Variants in FGD4 observed in about 807,000 individuals in gnomAD.
FGD4 encodes the protein FYVE, RhoGEF and PH domain-containing protein 4.
FGD4 carries 42 observed loss-of-function variants against 102.0 expected under a neutral mutation model. The observed-to-expected ratio is 0.41, with a 90% CI of 0.32 to 0.53. The LOEUF is 0.53. Ranked by LOEUF, FGD4 falls within the 20% of genes least tolerant of loss-of-function variation. The pLI is 0.21. For synonymous variants in FGD4, 380 were observed against 375.7 expected (o/e 1.01, Z -0.13); for missense variants, 902 against 1,078.2 (o/e 0.84, Z 2.29).
intron 1 of FGD4, among the ~76,000 whole-genome samples, chr12:32,473,489 C>T (rs990829545): frequency 1.3e-5 from 2 of 151,882 alleles, no homozygotes; most frequent in African/African-American, 2.4e-5. Flanking sequence ...CACTCCTGAG[C>T]CAGCGAGACC....
intron 1 of FGD4, among the ~76,000 whole-genome samples, chr12:32,495,239 C>T (rs1937723792): frequency 6.6e-6 from 1 of 152,134 alleles, no homozygotes; most frequent in South Asian, 2.1e-4. Flanking sequence ...TTAGAAATCA[C>T]CCTGCTAACA....
intron 1 of FGD4, among the ~76,000 whole-genome samples, chr12:32,451,834 CAAAAAAA>C (rs60760923): frequency 2.4e-3 from 59 of 24,142 alleles, no homozygotes; most frequent in Admixed American, 7.6e-3. Context: ...AACTCCATCT[CAAAAAAA>C]AAAAAAAAAA....
chr12:32,502,115 G>A, intron 1 of FGD4: 1 of 985,398 alleles, frequency 1.0e-6, no homozygotes, highest in South Asian at 4.7e-5. Flanking sequence ...TAGGAGGGCT[G>A]GTTACCATGG....
chr12:32,503,779 G>A (rs1400140919), intron 1 of FGD4, among the ~76,000 whole-genome samples: 10 of 152,076 alleles, frequency 6.6e-5, no homozygotes, highest in Non-Finnish European at 1.3e-4. Flanking sequence ...ACCCATAAAT[G>A]TCAGTCTTTC....
At chr12:32,403,655 G>A (rs188726492) in intron 1 of FGD4, among the ~76,000 whole-genome samples, 81 of 145,714 alleles carry the variant, frequency 5.6e-4, no homozygotes, top group African/African-American at 2.0e-3. Context: ...GGAGTGCAGT[G>A]GTGCAATCTT....
chr12:32,440,201 G>A (rs1050752159), intron 1 of FGD4, among the ~76,000 whole-genome samples: 2 of 152,174 alleles, frequency 1.3e-5, no homozygotes, highest in African/African-American at 4.8e-5. Flanking sequence ...TGCCGCTGAT[G>A]CTCGTAGATG....
chr12:32,551,804 T>A (rs1215923986), intron 1 of FGD4, among the ~76,000 whole-genome samples: 1 of 152,216 alleles, frequency 6.6e-6, no homozygotes, highest in Non-Finnish European at 1.5e-5. Flanking sequence ...GAGTTCTTCA[T>A]GATGTATTCA....
chr12:32,562,019 A>G (rs570357150), intron 1 of FGD4, among the ~76,000 whole-genome samples: 1 of 152,196 alleles, frequency 6.6e-6, no homozygotes, highest in African/African-American at 2.4e-5. Flanking sequence ...ACGTGGGCGC[A>G]TGTGTGTATT....
At chr12:32,412,024 T>G (rs1941231884) in intron 1 of FGD4, among the ~76,000 whole-genome samples, 1 of 152,188 alleles carries the variant, frequency 6.6e-6, no homozygotes. Context: ...TTTATTAACG[T>G]GCACACGTGA....
chr12:32,412,903 T>TG (rs1261362225), intron 1 of FGD4, among the ~76,000 whole-genome samples: 1 of 135,390 alleles, frequency 7.4e-6, no homozygotes, highest in East Asian at 2.1e-4. Flanking sequence ...CTAGAAATTT[T>TG]TTTTTTTTTT....
chr12:32,512,533 C>G (rs1169639391), intron 1 of FGD4, among the ~76,000 whole-genome samples: 1 of 152,046 alleles, frequency 6.6e-6, no homozygotes, highest in Non-Finnish European at 1.5e-5. Context: ...TCACTTGGGA[C>G]TCACACGCCA....
intron 1 of FGD4, among the ~76,000 whole-genome samples, chr12:32,516,303 G>A (rs1939871647): frequency 6.6e-6 from 1 of 152,034 alleles, no homozygotes; most frequent in Non-Finnish European, 1.5e-5. Flanking sequence ...CACCATGCCT[G>A]GCTAATTTTT....
intron 1 of FGD4, among the ~76,000 whole-genome samples, chr12:32,410,936 T>C (rs1309237372): frequency 1.3e-5 from 2 of 148,896 alleles, no homozygotes; most frequent in Non-Finnish European, 3.0e-5. Context: ...TTTTTCTTTT[T>C]TTTTTTTTTT....
intron 1 of FGD4, among the ~76,000 whole-genome samples, chr12:32,542,194 T>G (rs953532266): frequency 6.6e-6 from 1 of 152,176 alleles, no homozygotes; most frequent in Non-Finnish European, 1.5e-5. Context: ...AACAAAGTGT[T>G]GCAACACAGT....
intron 1 of FGD4, among the ~76,000 whole-genome samples, chr12:32,489,646 C>T (rs1229668553): frequency 6.6e-6 from 1 of 152,112 alleles, no homozygotes; most frequent in Non-Finnish European, 1.5e-5. Context: ...ACTGTATCTG[C>T]GAACTCCTTG....
intron 1 of FGD4, among the ~76,000 whole-genome samples, chr12:32,512,316 A>G (rs1260562035): frequency 6.6e-6 from 1 of 152,002 alleles, no homozygotes; most frequent in Non-Finnish European, 1.5e-5. Context: ...GCATGGTGGC[A>G]CGAGCCTGTA....
At chr12:32,622,709 C>T (rs926048954) in intron 11 of FGD4, among the ~76,000 whole-genome samples, 4 of 152,210 alleles carry the variant, frequency 2.6e-5, no homozygotes, top group African/African-American at 7.2e-5. Flanking sequence ...TCTCCTGCCT[C>T]AGCTTCCCAG....
intron 1 of FGD4, among the ~76,000 whole-genome samples, chr12:32,517,572 G>A (rs1386199955): frequency 2.0e-5 from 3 of 152,088 alleles, no homozygotes; most frequent in African/African-American, 4.8e-5. Flanking sequence ...GGTAGTCTTC[G>A]TATCTAGACT....
chr12:32,585,222 T>TTATTTATATATATATATATATATA (rs960851781), intron 4 of FGD4, among the ~76,000 whole-genome samples: 5 of 116,132 alleles, frequency 4.3e-5, no homozygotes, highest in African/African-American at 1.2e-4. Context: ...CTCAAAAATT[T>TTATTTATATATATATATATATATA]TATATATATA....
Sources: gnomAD v4.1 joint callset for allele counts (sites outside exome capture counted in the v4.1 genomes callset) on GRCh38, gnomAD v4.1.1 for gene constraint, MANE v1.5 for transcripts, NCBI Gene and HGNC (gene_info 2026-07-23, HGNC 2026-07-21) for gene names.